Variants in TRAF3 observed in about 807,000 individuals in gnomAD.
The protein encoded by TRAF3 is TNF receptor associated factor 3, also known as TNF receptor-associated factor 3.
In TRAF3, 13 loss-of-function variants were observed where a neutral mutation model predicts 62.3. That is an observed-to-expected ratio of 0.21 (90% confidence interval 0.14 to 0.33). TRAF3 has a LOEUF of 0.33. Among genes scored for constraint, TRAF3 ranks in the 10% least tolerant of loss-of-function variants. TRAF3 has a pLI of 1.00. For missense variants in TRAF3, 440 were observed against 741.8 expected, an observed-to-expected ratio of 0.59 and a Z score of 4.73; for synonymous variants, 269 against 283.4, an observed-to-expected ratio of 0.95 and a Z score of 0.51.
intron 1 of TRAF3, among the ~76,000 whole-genome samples, chr14:102,779,616 G>A (rs1897188655): frequency 6.6e-6 from 1 of 152,124 alleles, no homozygotes; most frequent in Non-Finnish European, 1.5e-5. Context: ...ACCTTTCTAG[G>A]GTATTGTCAG....
chr14:102,864,376 C>G (rs543472609), intron 2 of TRAF3, among the ~76,000 whole-genome samples: 12 of 152,148 alleles, frequency 7.9e-5, no homozygotes, highest in Middle Eastern at 3.4e-3. Flanking sequence ...TCTCGATCTC[C>G]TGACCTCGTG....
At chr14:102,814,761 G>A (rs575786616) in intron 1 of TRAF3, among the ~76,000 whole-genome samples, 4 of 152,014 alleles carry the variant, frequency 2.6e-5, no homozygotes, top group Admixed American at 1.3e-4. Flanking sequence ...GAGCTCAAGC[G>A]GTCCACCCAC....
At chr14:102,874,241 G>A (rs1158086336) in intron 4 of TRAF3, among the ~76,000 whole-genome samples, 2 of 152,202 alleles carry the variant, frequency 1.3e-5, no homozygotes, top group Non-Finnish European at 2.9e-5. Context: ...GCTCCAGCCT[G>A]GGTGACAGAG....
At chr14:102,854,162 C>A (rs1012042379) in intron 2 of TRAF3, among the ~76,000 whole-genome samples, 2 of 152,016 alleles carry the variant, frequency 1.3e-5, no homozygotes. Context: ...TATGAATAGA[C>A]CACATTTTGT....
intron 2 of TRAF3, among the ~76,000 whole-genome samples, chr14:102,849,263 C>T (rs1348147667): frequency 6.6e-6 from 1 of 152,204 alleles, no homozygotes; most frequent in Non-Finnish European, 1.5e-5. Flanking sequence ...CCTTATACAG[C>T]CCCGGGGCTC....
chr14:102,881,042 A>G (rs1009070793), intron 6 of TRAF3, among the ~76,000 whole-genome samples: 17 of 152,120 alleles, frequency 1.1e-4, no homozygotes, highest in Admixed American at 9.8e-4. Context: ...GCAGTGACCC[A>G]AGATCATGCA....
intron 1 of TRAF3, among the ~76,000 whole-genome samples, chr14:102,792,624 G>A (rs537939240): frequency 2.3e-4 from 35 of 151,042 alleles, no homozygotes; most frequent in Non-Finnish European, 4.9e-4. Flanking sequence ...AATGCTTTTT[G>A]TGCATCTTCT....
At chr14:102,872,909 C>T (rs549458115) in intron 4 of TRAF3, among the ~76,000 whole-genome samples, 1 of 152,240 alleles carries the variant, frequency 6.6e-6, no homozygotes, top group East Asian at 1.9e-4. Flanking sequence ...TTAGGCCAGT[C>T]TCGAACTCCT....
At chr14:102,844,581 CTG>C (rs1233037377) in intron 2 of TRAF3, among the ~76,000 whole-genome samples, 2 of 152,174 alleles carry the variant, frequency 1.3e-5, no homozygotes, top group Non-Finnish European at 2.9e-5. Flanking sequence ...CCCCTGGAAG[CTG>C]TGGACTGAGC....
At position 102,905,672 on chromosome 14, in the gene TRAF3, C is replaced by G. The variant is rs1250360500; in HGVS notation, c.1595C>G (p.Ser532Cys). Reference protein sequence around the residue: ...KKPTGEMNIASGCPVFVAQTV... With the variant: ...KKPTGEMNIACGCPVFVAQTV... ...CCCACTGGAGAGATGAATATCGCCT[C>G]TGGCTGCCCAGTCTTTGTGGCCCAA... The change falls in exon 12 of 12, where the codon TCT becomes TGT. Residue 532 changes from serine (S) to cysteine (C), a missense_variant. Physicochemically the swap from Ser to Cys is moderately radical, Grantham distance 112. Coordinates refer to ENST00000392745, the MANE Select transcript of TRAF3 (RefSeq NM_145725.3). 1 of 1,612,764 alleles carries G rather than the reference C, an allele frequency of 6.2e-7. No homozygotes were observed. The highest frequency in any genetic ancestry group is 8.5e-7 in the Non-Finnish European group (1 of 1,178,942).
intron 3 of TRAF3, 31 bp from the exon 4 acceptor site, chr14:102,871,886 C>A: frequency 6.2e-7 from 1 of 1,608,850 alleles, no homozygotes; most frequent in South Asian, 1.1e-5. Context: ...GGGACTTCCA[C>A]TCTAATGCAG....
At chr14:102,841,235 G>A (rs1886355600) in intron 2 of TRAF3, among the ~76,000 whole-genome samples, 1 of 152,220 alleles carries the variant, frequency 6.6e-6, no homozygotes, top group Non-Finnish European at 1.5e-5. Flanking sequence ...ACATAGGAGA[G>A]GAGGGAGCAG....
intron 2 of TRAF3, among the ~76,000 whole-genome samples, chr14:102,831,031 G>C (rs769760991): frequency 6.6e-6 from 1 of 152,196 alleles, no homozygotes; most frequent in Non-Finnish European, 1.5e-5. Context: ...AATCTTGAAA[G>C]AAGACTGAGA....
chr14:102,851,785 G>A (rs1445554945), intron 2 of TRAF3, among the ~76,000 whole-genome samples: 1 of 151,946 alleles, frequency 6.6e-6, no homozygotes, highest in Non-Finnish European at 1.5e-5. Flanking sequence ...TGGGTGGTTC[G>A]TGTAAGAGGC....
At chr14:102,888,671 A>G (rs528056864) in intron 7 of TRAF3, among the ~76,000 whole-genome samples, 33 of 152,328 alleles carry the variant, frequency 2.2e-4, no homozygotes, top group Non-Finnish European at 4.3e-4. Flanking sequence ...AAGAAGATCT[A>G]TCCCTAGAGT....
In TRAF3 at chr14:102,826,694, T is replaced by G. The variant is rs192668682; in HGVS notation, c.-156-3640T>G. Among the ~76,000 whole-genome samples, 354 of 152,292 alleles carry G rather than the reference T, an allele frequency of 2.3e-3. 1 individual carries two copies. Among genetic ancestry groups the G allele is most frequent in the Non-Finnish European group, 2.7e-3 (187 of 68,012 alleles). The stretch of plus-strand genomic sequence containing the variant: ...GTAGATTCTTTAATTTGTTTATTCA[T>G]TCGTGCAGTCCTTCACCTCACACCT... On this transcript the variant is annotated intron_variant, in intron 1 of 11. Coordinates refer to ENST00000392745, the MANE Select transcript of TRAF3 (RefSeq NM_145725.3). This position sits in a 1 kb window ranked among gnomAD's most constrained non-coding sequence, Gnocchi z 4.6.
At chr14:102,843,368 A>T (rs1440222291) in intron 2 of TRAF3, among the ~76,000 whole-genome samples, 1 of 151,810 alleles carries the variant, frequency 6.6e-6, no homozygotes, top group Non-Finnish European at 1.5e-5. Context: ...ACAGGATCTC[A>T]CTCTAGTGTC....
At chr14:102,831,286 T>C (rs1368926351) in intron 2 of TRAF3, among the ~76,000 whole-genome samples, 1 of 152,110 alleles carries the variant, frequency 6.6e-6, no homozygotes, top group East Asian at 1.9e-4. Context: ...ATCCCTATGG[T>C]GAGGAAACCC....
chr14:102,844,141 A>G (rs1463689835), intron 2 of TRAF3, among the ~76,000 whole-genome samples: 1 of 151,936 alleles, frequency 6.6e-6, no homozygotes, highest in Non-Finnish European at 1.5e-5. Flanking sequence ...GTAAACACAT[A>G]CATATGTTGT....
Sources: gnomAD v4.1 joint callset for allele counts (sites outside exome capture counted in the v4.1 genomes callset) on GRCh38, gnomAD v4.1.1 for gene constraint, Gnocchi (gnomAD v3.1) non-coding constraint, MANE v1.5 for transcripts, NCBI Gene and HGNC (gene_info 2026-07-23, HGNC 2026-07-21) for gene names.